The following DGKD variants were observed in gnomAD, a reference collection of about 807,000 sequenced individuals.
DGKD encodes DAG kinase delta.
Under a neutral mutation model 154.4 loss-of-function variants are expected in DGKD, and 68 were observed. The observed-to-expected ratio is 0.44, with a 90% CI of 0.36 to 0.54. DGKD has a LOEUF of 0.54. Ranked by LOEUF, DGKD falls within the 20% of genes least tolerant of loss-of-function variation. DGKD has a pLI of 0.00. For synonymous variants in DGKD, 693 were observed against 638.0 expected, an observed-to-expected ratio of 1.09 and a Z score of -1.30; for missense variants, 1,343 against 1,593.6, an observed-to-expected ratio of 0.84 and a Z score of 2.68.
At chr2:233,370,575 T>TTG (rs1437752489) in intron 1 of DGKD, among the ~76,000 whole-genome samples, 9 of 149,498 alleles carry the variant, frequency 6.0e-5, no homozygotes, top group African/African-American at 2.0e-4. Context: ...TTCTTCTTTT[T>TTG]TTTTTTTTTT....
intron 3 of DGKD, among the ~76,000 whole-genome samples, chr2:233,414,757 G>A (rs1320094900): frequency 6.6e-6 from 1 of 152,212 alleles, no homozygotes; most frequent in Non-Finnish European, 1.5e-5. Context: ...GTTTATAGAT[G>A]TTTTCCTTAG....
At chr2:233,444,413 C>G (rs1027530072) in intron 10 of DGKD, among the ~76,000 whole-genome samples, 5 of 151,782 alleles carry the variant, frequency 3.3e-5, no homozygotes, top group Non-Finnish European at 7.4e-5. Context: ...GGGAAAAGTC[C>G]AGACCTTTAA....
intron 19 of DGKD, among the ~76,000 whole-genome samples, chr2:233,456,365 G>A (rs893156350): frequency 5.3e-5 from 8 of 152,224 alleles, no homozygotes; most frequent in African/African-American, 1.2e-4. Context: ...AGGGTAAAGT[G>A]GACCAAGTAG....
At chr2:233,455,267 C>T (rs1049314704) in intron 19 of DGKD, among the ~76,000 whole-genome samples, 1 of 152,222 alleles carries the variant, frequency 6.6e-6, no homozygotes, top group Non-Finnish European at 1.5e-5. Flanking sequence ...GCTGGCCCTC[C>T]CCCATCACAC....
In DGKD at chr2:233,354,747, T is replaced by C; in HGVS notation, c.156+73T>C. On this transcript the variant is annotated intron_variant, in intron 1 of 29. Transcript: ENST00000264057. This position sits in a 1 kb window ranked among gnomAD's most constrained non-coding sequence, Gnocchi z 4.8. ...CAGCCCCGGCCGAGGCCCGTGGCCC[T>C]GCCCGAGCGGCCGCCCAGGCCCGGC... The C allele has an allele frequency of 2.2e-6, 2 of 904,502 alleles. No individual in the cohort carries two copies. The highest frequency in any genetic ancestry group is 2.6e-6 in the Non-Finnish European group (2 of 760,272). 56.0% of individuals were successfully genotyped at this position (904,502 alleles called of 1,614,324 possible). A position where few individuals can be genotyped will look rare whatever the true frequency, so the allele number is the denominator to read the frequency against.
chr2:233,403,928 C>G (rs1169733467), intron 3 of DGKD, among the ~76,000 whole-genome samples: 1 of 152,166 alleles, frequency 6.6e-6, no homozygotes, highest in South Asian at 2.1e-4. Flanking sequence ...GCGTGAGCCA[C>G]TGCGCCCTTC....
chr2:233,356,941 A>G (rs954384532), intron 1 of DGKD, among the ~76,000 whole-genome samples: 12 of 152,202 alleles, frequency 7.9e-5, no homozygotes, highest in African/African-American at 2.7e-4. Flanking sequence ...AACAGAACTC[A>G]CCTTAAGTAT....
intron 3 of DGKD, among the ~76,000 whole-genome samples, chr2:233,433,503 ACGAGATCTAGTATTTGATAG>A (rs2062597148): frequency 1.3e-5 from 2 of 152,226 alleles, no homozygotes; most frequent in African/African-American, 4.8e-5. Flanking sequence ...GTTAGAATAA[ACGAGATCTAGTATTTGATAG>A]CACAACGGGG....
rs1404098821 is a variant in DGKD at position 233,435,923 on chromosome 2, G to A, written c.692G>A (p.Gly231Glu). ...AAGGACATCATTGAAGATGCAGATG[G>A]GGTATGTTAAGAAATACCACCTGTG... The part of the protein sequence containing the change: ...IGKDIIEDAD[G>E]IAMPHQWLEG... Residue 231 changes from glycine to glutamate, a missense_variant and splice_region_variant, in exon 6 of 30, where the codon GGG becomes GAG. This residue lies in a region of DGKD where 332 missense variants were observed against 400.1 expected (regional missense o/e 0.83). Transcript: ENST00000264057. 1 of 1,605,994 alleles carries A rather than the reference G, an allele frequency of 6.2e-7. No homozygotes were observed. The highest frequency in any genetic ancestry group is 1.1e-5 in the South Asian group (1 of 90,466).
chr2:233,444,982 G>T (rs2063019731), intron 10 of DGKD, among the ~76,000 whole-genome samples: 1 of 152,044 alleles, frequency 6.6e-6, no homozygotes, highest in Non-Finnish European at 1.5e-5. Context: ...GGTGTAGTGG[G>T]ATCTCATTGG....
chr2:233,437,303 T>C lies in DGKD; in HGVS notation c.820-74T>C, dbSNP rs1281745962. On this transcript the variant is annotated intron_variant, in intron 7 of 29. Transcript: ENST00000264057. The stretch of plus-strand genomic sequence containing the variant: ...CCTCCCCCGAGGCCAGCTCATCAGC[T>C]ACAGGGCAGGAGGATTTCTGGTGTG... The C allele has an allele frequency of 2.1e-6, 3 of 1,411,706 alleles. No individual in the cohort carries two copies. In the East Asian group the frequency reaches 7.0e-5, roughly 33 times the overall value. The allele number at this position is 1,411,706 out of a possible 1,614,324, so 87.4% of individuals were successfully genotyped here.
intron 1 of DGKD, among the ~76,000 whole-genome samples, chr2:233,381,828 A>G (rs1702920394): frequency 6.6e-6 from 1 of 152,238 alleles, no homozygotes; most frequent in Non-Finnish European, 1.5e-5. Flanking sequence ...CTCTCTGTTT[A>G]CCAGTTTTCT....
At chr2:233,386,864 G>C (rs1360280982) in intron 1 of DGKD, among the ~76,000 whole-genome samples, 1 of 152,228 alleles carries the variant, frequency 6.6e-6, no homozygotes, top group East Asian at 1.9e-4. Context: ...GGAAGTGGTC[G>C]TGAGTGCAGC....
In DGKD at chr2:233,449,080, T is replaced by G; in HGVS notation, c.1615-23T>G. On this transcript the variant is annotated intron_variant, in intron 14 of 29. Transcript: ENST00000264057. The surrounding 1 kb of genome is among the most constrained non-coding windows in gnomAD (Gnocchi z 5.3). ...CCTGTTCTCCTGCCTCAGCTCTGCA[T>G]GCCATTTCCTTTCCTTGTTCAGTGC... 6.4e-7 allele frequency: 1 copy of G among 1,571,554 alleles called. No homozygotes were observed. The highest frequency in any genetic ancestry group is 8.7e-7 in the Non-Finnish European group (1 of 1,150,766).
chr2:233,369,547 A>G lies in DGKD; in HGVS notation c.156+14873A>G, dbSNP rs578111125. The stretch of plus-strand genomic sequence containing the variant: ...TCCATTTTCTGCAATCATTCATTTC[A>G]GGTTTGTGCATGTACTTTATGGCAT... On this transcript the variant is annotated intron_variant, in intron 1 of 29. Transcript: ENST00000264057. Among the ~76,000 whole-genome samples, 6 of 152,252 alleles carry G rather than the reference A, an allele frequency of 3.9e-5. No homozygotes were observed. In the South Asian group the frequency reaches 1.2e-3, roughly 32 times the overall value.
At position 233,400,232 on chromosome 2, in the gene DGKD, T is replaced by G. The variant is rs527973825; in HGVS notation, c.348+9749T>G. 2.0e-5 allele frequency among the ~76,000 whole-genome samples: 3 copies of G among 152,316 alleles called. No individual in the cohort carries two copies. In the South Asian group the frequency reaches 6.2e-4, roughly 32 times the overall value. On this transcript the variant is annotated intron_variant, in intron 3 of 29. Coordinates refer to ENST00000264057, the MANE Select transcript of DGKD (RefSeq NM_152879.3). ...TCAATTTAGCAAAGATTTTCTAGAC[T>G]AAGTAGGAAGAGGGCTCATCACCCG...
In DGKD at chr2:233,434,449, G is replaced by C. The variant is rs564205238; in HGVS notation, c.418G>C (p.Ala140Pro). 4.3e-6 allele frequency: 7 copies of C among 1,614,052 alleles called. No homozygotes were observed. Among genetic ancestry groups the C allele is most frequent in the Non-Finnish European group, 5.9e-6 (7 of 1,180,018 alleles). Residue 140 changes from alanine (A) to proline (P), a missense_variant, in exon 4 of 30, where the codon GCA (alanine) becomes CCA (proline). Transcript: ENST00000264057. ...NRKEMEDWIA[A>P]LKTVQNREHF... is the part of the protein sequence containing the mutation. ...AAAAGAAATGGAAGATTGGATTGCA[G>C]CATTAAAGACTGTGCAGAACAGGGA...
intron 1 of DGKD, among the ~76,000 whole-genome samples, chr2:233,385,147 G>T (rs1415263418): frequency 6.6e-6 from 1 of 152,192 alleles, no homozygotes; most frequent in Non-Finnish European, 1.5e-5. Flanking sequence ...CTGCCTCCTG[G>T]TTTGAAGCCC....
rs1188108848 is a variant in DGKD at position 233,446,811 on chromosome 2, T to C, written c.1419+15T>C. 1 of 1,614,024 alleles carries C rather than the reference T, an allele frequency of 6.2e-7. No homozygotes were observed. Among genetic ancestry groups the C allele is most frequent in the South Asian group, 1.1e-5 (1 of 91,074 alleles). On this transcript the variant is annotated intron_variant, in intron 12 of 29. Transcript: ENST00000264057. ...AGGATTCCGAGGTATTGCTGGCCTG[T>C]TCTTCACACCCTGCTCGCATGCTGA...
Sources: gnomAD v4.1 joint callset for allele counts (sites outside exome capture counted in the v4.1 genomes callset) on GRCh38, gnomAD v4.1.1 for gene constraint, gnomAD v4.1.1 regional missense constraint, Gnocchi (gnomAD v3.1) non-coding constraint, MANE v1.5 for transcripts, NCBI Gene and HGNC (gene_info 2026-07-23, HGNC 2026-07-21) for gene names.